The following DNMT1 variants were observed in gnomAD, a reference collection of about 807,000 sequenced individuals.
DNMT1 encodes DNA (cytosine-5)-methyltransferase 1.
DNMT1 carries 24 observed loss-of-function variants against 205.3 expected under a neutral mutation model. The ratio of observed to expected loss-of-function variants is 0.12; its 90% CI spans 0.08 to 0.16. The LOEUF (loss-of-function observed/expected upper bound fraction) is 0.16. DNMT1 is among the 10% of genes least tolerant of loss of function. DNMT1 has a pLI of 1.00. For missense variants in DNMT1, 1,293 were observed against 2,177.7 expected (o/e 0.59, Z 8.09); for synonymous variants, 817 against 839.8 (o/e 0.97, Z 0.47).
intron 37 of DNMT1, among the ~76,000 whole-genome samples, 156 bp from the exon 38 acceptor site, chr19:10,136,443 TTTA>T (rs1226555367): frequency 6.6e-6 from 1 of 152,156 alleles, no homozygotes; most frequent in Non-Finnish European, 1.5e-5. Flanking sequence ...GGGCACTGTT[TTTA>T]TTATTAGTAT....
At chr19:10,173,061 TAACA>T (rs779283312) in intron 9 of DNMT1, 25 bp downstream of exon 9, 1 of 1,613,704 alleles carries the variant, frequency 6.2e-7, no homozygotes, top group Non-Finnish European at 8.5e-7. Context: ...AAGGGAGAAT[TAACA>T]AACTTAGAGG....
chr19:10,156,605 C>A lies in DNMT1; in HGVS notation c.1281-96G>T. On this transcript the variant is annotated intron_variant, in intron 17 of 40. Transcript: ENST00000359526. The surrounding 1 kb of genome is among the most constrained non-coding windows in gnomAD (Gnocchi z 4.2). ...AGGCACGAGGCAATGAGAGAATGTA[C>A]AAGTCTGACACTCTTTTTTTGTTTG... The A allele has an allele frequency of 1.2e-6, 1 of 862,698 alleles. No homozygotes were observed. Among genetic ancestry groups the A allele is most frequent in the Non-Finnish European group, 2.0e-6 (1 of 507,018 alleles). The allele number at this position is 862,698 out of a possible 1,614,324, so 53.4% of individuals were successfully genotyped here.
At chr19:10,147,857 T>C (rs2038231581) in intron 27 of DNMT1, among the ~76,000 whole-genome samples, 1 of 151,980 alleles carries the variant, frequency 6.6e-6, no homozygotes, top group Admixed American at 6.6e-5. Flanking sequence ...CTCACACCTG[T>C]AATCCCAGCA....
At chr19:10,179,059 G>A (rs900253131) in intron 5 of DNMT1, among the ~76,000 whole-genome samples, 1 of 149,240 alleles carries the variant, frequency 6.7e-6, no homozygotes, top group South Asian at 2.1e-4. Context: ...AACCTGGGAG[G>A]CAGAGCTTGC....
In DNMT1 at chr19:10,160,435, A is replaced by G. The variant is rs759363103; in HGVS notation, c.1009-17T>C. The stretch of plus-strand genomic sequence containing the variant: ...CTTCTCCTCCTACACAGGGAAAACA[A>G]AAGAGGATTAAAGGCTAAGAGAGTG... On this transcript the variant is annotated splice_polypyrimidine_tract_variant and intron_variant, in intron 13 of 40. Coordinates refer to ENST00000359526, the MANE Select transcript of DNMT1 (RefSeq NM_001130823.3). 2 of 1,613,808 alleles carry G rather than the reference A, an allele frequency of 1.2e-6. No individual in the cohort carries two copies. Among genetic ancestry groups the G allele is most frequent in the East Asian group, 2.2e-5 (1 of 44,898 alleles).
At position 10,137,847 on chromosome 19, in the gene DNMT1, C is replaced by T. The variant is rs748494068; in HGVS notation, c.4278G>A (p.Arg1426=). The T allele has an allele frequency of 3.1e-6, 5 of 1,613,248 alleles. No individual in the cohort carries two copies. In the East Asian group the frequency reaches 1.1e-4, roughly 36 times the overall value. ...GTGCCATTACCTTACAGATGTGGTC[C>T]CTGAGGATGGGCTGGTACTGTGCGC... ...LRGAQYQPIL[R]DHICKDMSAL... The change falls in exon 36 of 41, where the codon AGG becomes AGA. Residue 1426 remains arginine (R), a synonymous_variant. Transcript: ENST00000359526. This position sits in a 1 kb window ranked among gnomAD's most constrained non-coding sequence, Gnocchi z 6.4.
chr19:10,138,754 C>A lies in DNMT1; in HGVS notation c.3949-149G>T, dbSNP rs73508838. The stretch of plus-strand genomic sequence containing the variant: ...AGAAATCCCCAGTTACCTCAGCAGG[C>A]GTGCTCCTGGTCAGAGGAGTTTGGA... On this transcript the variant is annotated intron_variant, in intron 34 of 40. Coordinates refer to ENST00000359526, the MANE Select transcript of DNMT1 (RefSeq NM_001130823.3). This position sits in a 1 kb window ranked among gnomAD's most constrained non-coding sequence, Gnocchi z 4.1. The A allele has an allele frequency of 1.1e-5, 12 of 1,074,874 alleles. No individual in the cohort carries two copies. Among genetic ancestry groups the A allele is most frequent in the Non-Finnish European group, 1.6e-5 (12 of 755,002 alleles). 66.6% of individuals were successfully genotyped at this position (1,074,874 alleles called of 1,614,324 possible).
chr19:10,140,744 C>T lies in DNMT1; in HGVS notation c.3523+37G>A, dbSNP rs372222900. On this transcript the variant is annotated intron_variant, in intron 32 of 40. Transcript: ENST00000359526. This position sits in a 1 kb window ranked among gnomAD's most constrained non-coding sequence, Gnocchi z 8.4. ...AGGTAGCACCTGCCCGGTCTGGGCT[C>T]ACCAGGTATTCAGAGATGGAGCCTA... is the stretch of plus-strand genomic sequence containing the variant. 2.4e-4 allele frequency: 380 copies of T among 1,613,906 alleles called. 4 individuals carry two copies. The South Asian group carries it at 4.0e-3, about 17-fold the overall frequency.
chr19:10,141,144 C>G lies in DNMT1; in HGVS notation c.3355G>C (p.Ala1119Pro). The change falls in exon 31 of 41, where the codon GCC becomes CCC. Residue 1119 changes from alanine to proline, a missense_variant. By Grantham distance (27) the Ala-to-Pro change is conservative. Coordinates refer to ENST00000359526, the MANE Select transcript of DNMT1 (RefSeq NM_001130823.3). Reference protein sequence around the residue: ...SKSFEDPPNHARSPGNKGKGK... With the variant: ...SKSFEDPPNHPRSPGNKGKGK... ...TTCCCTTTGTTTCCAGGGCTACGGG[C>G]ATGGTTGGGAGGATCTTCAAAGCTT... is the stretch of plus-strand genomic sequence containing the variant. 1 of 1,614,006 alleles carries G rather than the reference C, an allele frequency of 6.2e-7. No homozygotes were observed. The highest frequency in any genetic ancestry group is 8.5e-7 in the Non-Finnish European group (1 of 1,180,040).
At chr19:10,194,720 G>C in intron 1 of DNMT1, 100 bp downstream of exon 1, 1 of 1,448,700 alleles carries the variant, frequency 6.9e-7, no homozygotes. Flanking sequence ...ATGCGCGCCC[G>C]TCTGTCAGCA....
chr19:10,182,478 CATATATAT>C (rs2039080937), intron 1 of DNMT1, among the ~76,000 whole-genome samples: 1 of 108,782 alleles, frequency 9.2e-6, no homozygotes, highest in Non-Finnish European at 1.9e-5. Context: ...TATATATATA[CATATATAT>C]GTGTATATAT....
intron 38 of DNMT1, 59 bp from the exon 39 acceptor site, chr19:10,135,911 G>A (rs2089471124): frequency 1.3e-6 from 2 of 1,523,054 alleles, no homozygotes; most frequent in African/African-American, 1.4e-5. Context: ...TCACCGTCGG[G>A]GACAGGGAGG....
intron 1 of DNMT1, among the ~76,000 whole-genome samples, chr19:10,182,643 T>C (rs189222638): frequency 3.0e-4 from 46 of 151,494 alleles, no homozygotes; most frequent in African/African-American, 1.1e-3. Context: ...CACACATATA[T>C]ACATACATAC....
intron 25 of DNMT1, 31 bp from the exon 26 acceptor site, chr19:10,149,688 GT>G (rs748167596): frequency 2.1e-4 from 333 of 1,612,938 alleles, no homozygotes; most frequent in Non-Finnish European, 2.5e-4. Flanking sequence ...TGGGGAGAAA[GT>G]TCTGACTTGG....
At chr19:10,148,723 T>C (rs2038261243) in intron 27 of DNMT1, among the ~76,000 whole-genome samples, 161 bp downstream of exon 27, 1 of 152,156 alleles carries the variant, frequency 6.6e-6, no homozygotes, top group Admixed American at 6.6e-5. Context: ...CCAGGCCATC[T>C]ACACACTTGA....
At chr19:10,134,890 C>T (rs1426782369) in intron 39 of DNMT1, among the ~76,000 whole-genome samples, 2 of 150,186 alleles carry the variant, frequency 1.3e-5, no homozygotes, top group Non-Finnish European at 3.0e-5. Context: ...AATGGGCCAC[C>T]TAGACACGTT....
intron 28 of DNMT1, 32 bp from the exon 29 acceptor site, chr19:10,144,019 AC>A (rs1471287396): frequency 6.2e-7 from 1 of 1,608,432 alleles, no homozygotes; most frequent in Non-Finnish European, 8.5e-7. Context: ...ACATCAATGA[AC>A]CTTCCACCTT....
intron 1 of DNMT1, among the ~76,000 whole-genome samples, chr19:10,193,665 CAAAAAAAAA>C (rs35583463): frequency 9.4e-6 from 1 of 106,118 alleles, no homozygotes; most frequent in Non-Finnish European, 2.0e-5. Flanking sequence ...ACCCAGCCTT[CAAAAAAAAA>C]AAAAAAAAGA....
At chr19:10,141,061 G>C in intron 31 of DNMT1, 44 bp downstream of exon 31, 1 of 1,613,416 alleles carries the variant, frequency 6.2e-7, no homozygotes, top group South Asian at 1.1e-5. Flanking sequence ...CAGCCTCCAA[G>C]TTACAGAAGA....
Sources: gnomAD v4.1 joint callset for allele counts (sites outside exome capture counted in the v4.1 genomes callset) on GRCh38, gnomAD v4.1.1 for gene constraint, Gnocchi (gnomAD v3.1) non-coding constraint, MANE v1.5 for transcripts, NCBI Gene and HGNC (gene_info 2026-07-23, HGNC 2026-07-21) for gene names.